The following CTNNA2 variants were observed in gnomAD, a reference collection of about 807,000 sequenced individuals.
The protein encoded by CTNNA2 is catenin alpha-2.
In CTNNA2, 42 loss-of-function variants were observed where a neutral mutation model predicts 101.0. The observed-to-expected ratio is 0.42, with a 90% CI of 0.32 to 0.54. The LOEUF (loss-of-function observed/expected upper bound fraction) is 0.54, where lower values mean the gene tolerates loss of function less well. CTNNA2 is among the 20% of genes least tolerant of loss of function. The probability of loss-of-function intolerance (pLI) is 0.14; values close to 1 mark genes in which losing one functional copy is unlikely to be tolerated. For missense variants in CTNNA2, 871 were observed against 1,223.1 expected (o/e 0.71, Z 4.29); for synonymous variants, 450 against 456.4 (o/e 0.99, Z 0.18).
At chr2:80,465,586 T>G (rs903003879) in intron 9 of CTNNA2, among the ~76,000 whole-genome samples, 2 of 152,192 alleles carry the variant, frequency 1.3e-5, no homozygotes, top group African/African-American at 4.8e-5. Context: ...TCTGCGATGC[T>G]GGTGCATTTA....
intron 7 of CTNNA2, among the ~76,000 whole-genome samples, chr2:80,186,367 C>G (rs1400535218): frequency 6.6e-6 from 1 of 152,128 alleles, no homozygotes; most frequent in Non-Finnish European, 1.5e-5. Context: ...TGTGATTTGT[C>G]CTTCTCAGAC....
chr2:80,574,748 TTC>T (rs1694892745), intron 13 of CTNNA2, among the ~76,000 whole-genome samples: 1 of 152,170 alleles, frequency 6.6e-6, no homozygotes, highest in Admixed American at 6.6e-5. Context: ...CATAATTACA[TTC>T]TCTTTGTATA....
intron 2 of CTNNA2, among the ~76,000 whole-genome samples, chr2:79,667,305 A>G (rs1682489507): frequency 6.6e-6 from 1 of 152,202 alleles, no homozygotes; most frequent in Non-Finnish European, 1.5e-5. Context: ...TCATTAAAGC[A>G]AGAGCAATCA....
At chr2:79,727,846 C>G (rs1182883734) in intron 2 of CTNNA2, among the ~76,000 whole-genome samples, 2 of 150,504 alleles carry the variant, frequency 1.3e-5, no homozygotes, top group Non-Finnish European at 2.9e-5. Context: ...TTTGTTCTTG[C>G]GATAGTTTAC....
At chr2:80,330,764 C>A (rs188093664) in intron 7 of CTNNA2, among the ~76,000 whole-genome samples, 3 of 152,164 alleles carry the variant, frequency 2.0e-5, no homozygotes. Flanking sequence ...GCGTTTACTA[C>A]TATAGCAACG....
At chr2:79,853,103 A>G (rs1680855803) in intron 3 of CTNNA2, among the ~76,000 whole-genome samples, 1 of 149,326 alleles carries the variant, frequency 6.7e-6, no homozygotes, top group Non-Finnish European at 1.5e-5. Flanking sequence ...CCTGACCTCA[A>G]GTGATCCACC....
intron 2 of CTNNA2, among the ~76,000 whole-genome samples, chr2:79,253,606 T>C (rs1674801864): frequency 6.6e-6 from 1 of 151,926 alleles, no homozygotes; most frequent in Non-Finnish European, 1.5e-5. Flanking sequence ...TAATGGACAT[T>C]GGTTGCCCAA....
chr2:79,433,131 C>T (rs1678674529), intron 4 of CTNNA2, among the ~76,000 whole-genome samples: 1 of 152,188 alleles, frequency 6.6e-6, no homozygotes, highest in Non-Finnish European at 1.5e-5. Context: ...GTTCACAGCT[C>T]ACTCCCCTCA....
At chr2:80,219,939 A>G (rs1187107587) in intron 7 of CTNNA2, among the ~76,000 whole-genome samples, 1 of 152,178 alleles carries the variant, frequency 6.6e-6, no homozygotes, top group East Asian at 1.9e-4. Context: ...TAACAGATGT[A>G]TGTTTATTCC....
chr2:79,285,840 T>A (rs1173744827), intron 2 of CTNNA2, among the ~76,000 whole-genome samples: 30 of 147,428 alleles, frequency 2.0e-4, no homozygotes, highest in Non-Finnish European at 3.4e-4. Context: ...ATCTGTCTAA[T>A]GTTGACAGTG....
At chr2:80,309,911 A>G (rs1221058528) in intron 7 of CTNNA2, among the ~76,000 whole-genome samples, 1 of 151,992 alleles carries the variant, frequency 6.6e-6, no homozygotes, top group Admixed American at 6.5e-5. Flanking sequence ...GAAGTCACAA[A>G]GATTAAATGA....
intron 3 of CTNNA2, among the ~76,000 whole-genome samples, chr2:79,840,760 A>T (rs2974180): frequency 7.0e-6 from 1 of 142,780 alleles, no homozygotes; most frequent in Admixed American, 7.3e-5. Flanking sequence ...CAGCGAGACT[A>T]CCTCTCTTTT....
At position 79,399,361 on chromosome 2, in the gene CTNNA2, C is replaced by T. The variant is rs76784687; in HGVS notation, c.-135+25348C>T. 7.0e-3 allele frequency among the ~76,000 whole-genome samples: 1,063 copies of T among 152,152 alleles called. 13 individuals carry two copies. Among genetic ancestry groups the T allele is most frequent in the African/African-American group, 0.025 (1,022 of 41,516 alleles). On this transcript the variant is annotated intron_variant, in intron 4 of 21. Coordinates refer to the CTNNA2 transcript ENST00000466387. ...AGGTAAGATTTGAGTAGACACTAAGCTCTCATTGCTATCAGACCTTAAGGC... is the reference window on the plus strand; with the variant it reads ...AGGTAAGATTTGAGTAGACACTAAGTTCTCATTGCTATCAGACCTTAAGGC...
At chr2:79,799,327 C>T (rs1348536809) in intron 3 of CTNNA2, among the ~76,000 whole-genome samples, 1 of 151,772 alleles carries the variant, frequency 6.6e-6, no homozygotes, top group Non-Finnish European at 1.5e-5. Context: ...CCTTTAATTC[C>T]AAACACCACA....
intron 9 of CTNNA2, among the ~76,000 whole-genome samples, chr2:80,526,732 AT>A (rs1265386328): frequency 6.6e-6 from 1 of 152,238 alleles, no homozygotes; most frequent in African/African-American, 2.4e-5. Context: ...GATAGAGCTT[AT>A]AAAAAAGTGT....
At chr2:79,358,238 C>T (rs1163613253) in intron 3 of CTNNA2, among the ~76,000 whole-genome samples, 2 of 150,808 alleles carry the variant, frequency 1.3e-5, no homozygotes, top group Non-Finnish European at 2.9e-5. Context: ...TTGCTCTAGT[C>T]ACCCAGGCTG....
In CTNNA2 at chr2:79,777,327, A is replaced by ATGTGTGTGTG. The variant is rs67347678; in HGVS notation, c.298+32785_298+32794dup. ...TCTTAGCCCATACCAAACACTTGTT[A>ATGTGTGTGTG]TGTGTGTGTGTGTGTGTGTGTGTGT... On this transcript the variant is annotated intron_variant, in intron 3 of 18. Transcript: ENST00000402739. Among the ~76,000 whole-genome samples, 43 of 139,688 alleles carry ATGTGTGTGTG rather than the reference A, an allele frequency of 3.1e-4. 1 individual carries two copies. The East Asian group carries it at 7.9e-3, about 26-fold the overall frequency. The allele number at this position is 139,688 out of a possible 152,430, so 91.6% of individuals were successfully genotyped here. A position where few individuals can be genotyped will look rare whatever the true frequency, so the allele number is the denominator to read the frequency against.
At chr2:80,026,378 G>C (rs903800331) in intron 7 of CTNNA2, among the ~76,000 whole-genome samples, 1 of 152,140 alleles carries the variant, frequency 6.6e-6, no homozygotes, top group Non-Finnish European at 1.5e-5. Context: ...TAGAAAGCAG[G>C]GTGACAGGCA....
rs956393298 is a variant in CTNNA2, at chr2:80,270,719, C to G, written c.1057-122492C>G. 3.2e-4 allele frequency among the ~76,000 whole-genome samples: 48 copies of G among 152,078 alleles called. 2 individuals carry two copies. Among genetic ancestry groups the G allele is most frequent in the Non-Finnish European group, 2.6e-4 (18 of 68,018 alleles). On this transcript the variant is annotated intron_variant, in intron 7 of 18. Coordinates refer to ENST00000402739, the MANE Select transcript of CTNNA2 (RefSeq NM_001282597.3). ...TCAACTCAGTAATACCAGTCATAGG[C>G]AGTTCAACACCTATCAGGTAAACAT... is the stretch of plus-strand genomic sequence containing the variant.
Sources: allele counts gnomAD v4.1 joint callset (sites outside exome capture counted in the v4.1 genomes callset), GRCh38; gene constraint gnomAD v4.1.1; transcripts MANE v1.5; gene names NCBI Gene and HGNC (gene_info 2026-07-23, HGNC 2026-07-21).